PIK3R4: variants seen among roughly 807,000 people sequenced by gnomAD.
The protein encoded by PIK3R4 is phosphoinositide-3-kinase regulatory subunit 4.
Under a neutral mutation model 136.5 loss-of-function variants are expected in PIK3R4, and 46 were observed. The ratio of observed to expected loss-of-function variants is 0.34; its 90% CI spans 0.27 to 0.43. The LOEUF is 0.43. PIK3R4 is among the 20% of genes least tolerant of loss of function. PIK3R4 has a pLI of 1.00. For synonymous variants in PIK3R4, 557 were observed against 566.7 expected (o/e 0.98, Z 0.24); for missense variants, 1,331 against 1,649.5 (o/e 0.81, Z 3.35).
chr3:130,694,380 A>C (rs1450814682), intron 13 of PIK3R4, among the ~76,000 whole-genome samples: 1 of 151,452 alleles, frequency 6.6e-6, no homozygotes, highest in African/African-American at 2.4e-5. Flanking sequence ...CTGCCATCTT[A>C]ATGATATTAA....
intron 6 of PIK3R4, 78 bp downstream of exon 6, chr3:130,728,385 A>G: frequency 1.2e-6 from 1 of 820,744 alleles, no homozygotes; most frequent in Non-Finnish European, 1.9e-6. Context: ...TGGTAGTATC[A>G]TCTATCCTTC....
chr3:130,686,556 G>A (rs996584021), intron 14 of PIK3R4, 134 bp from the exon 15 acceptor site: 15 of 599,238 alleles, frequency 2.5e-5, no homozygotes, highest in East Asian at 5.7e-5. Flanking sequence ...AACGAAAGCC[G>A]ACACATTAAA....
intron 13 of PIK3R4, among the ~76,000 whole-genome samples, chr3:130,696,825 T>C (rs1038330404): frequency 2.6e-5 from 4 of 152,144 alleles, no homozygotes; most frequent in Non-Finnish European, 4.4e-5. Flanking sequence ...AGTTGTTCTA[T>C]CCATCTTGAA....
rs2066438200 is a variant in PIK3R4, at chr3:130,679,212, T to C, written c.*103A>G. 1.5e-6 allele frequency: 1 copy of C among 671,428 alleles called. No individual in the cohort carries two copies. The highest frequency in any genetic ancestry group is 3.1e-5 in the East Asian group (1 of 32,218). 41.6% of individuals were successfully genotyped at this position (671,428 alleles called of 1,614,324 possible). A position where few individuals can be genotyped will look rare whatever the true frequency, so the allele number is the denominator to read the frequency against. ...GTCATGAAACAGTAATATGGAGACA[T>C]AATTTTGAAAATTAAGCAAATGAAT... On this transcript the variant is annotated 3_prime_UTR_variant, in exon 20 of 20. Coordinates refer to ENST00000356763, the MANE Select transcript of PIK3R4 (RefSeq NM_014602.3).
intron 9 of PIK3R4, among the ~76,000 whole-genome samples, chr3:130,716,058 T>C (rs1311460651): frequency 6.6e-6 from 1 of 152,260 alleles, no homozygotes; most frequent in East Asian, 1.9e-4. Context: ...CTAAATTTCA[T>C]TACATTTTTG....
chr3:130,702,047 G>A (rs1192045557), intron 13 of PIK3R4, among the ~76,000 whole-genome samples: 2 of 151,924 alleles, frequency 1.3e-5, no homozygotes, highest in Non-Finnish European at 2.9e-5. Context: ...AGGCTGAGGC[G>A]GGAGGATTGC....
At chr3:130,722,340 T>C (rs968965488) in intron 7 of PIK3R4, among the ~76,000 whole-genome samples, 3 of 152,140 alleles carry the variant, frequency 2.0e-5, no homozygotes, top group Non-Finnish European at 4.4e-5. Flanking sequence ...ATTTTGACAC[T>C]AAAGATATAT....
At chr3:130,744,262 G>A (rs2066840916) in intron 2 of PIK3R4, among the ~76,000 whole-genome samples, 1 of 152,190 alleles carries the variant, frequency 6.6e-6, no homozygotes, top group Non-Finnish European at 1.5e-5. Context: ...ATAAAAGTAG[G>A]CAAGCAAATA....
intron 2 of PIK3R4, among the ~76,000 whole-genome samples, chr3:130,737,616 G>A (rs570048956): frequency 5.9e-5 from 9 of 151,996 alleles, no homozygotes; most frequent in Admixed American, 4.6e-4. Flanking sequence ...GCAGAGATCG[G>A]GCCACTACAC....
Position 130,723,528 on chromosome 3 carries a change from C to G in PIK3R4, c.1867G>C (p.Gly623Arg), listed in dbSNP as rs941696499. 6.2e-7 allele frequency: 1 copy of G among 1,614,056 alleles called. No individual in the cohort carries two copies. Among genetic ancestry groups the G allele is most frequent in the African/African-American group, 1.3e-5 (1 of 75,038 alleles). The change falls in exon 7 of 20, where the codon GGT becomes CGT. Residue 623 changes from glycine (G) to arginine (R), a missense_variant. Physicochemically the swap from Gly to Arg is moderately radical, Grantham distance 125. Around this residue, in one of 2 missense-constraint regions of PIK3R4, gnomAD observed 1,180 missense variants for 1,407.0 expected, o/e 0.84. Coordinates refer to ENST00000356763, the MANE Select transcript of PIK3R4 (RefSeq NM_014602.3). ...ACAAATTCCTCAGCATCACTAAGAC[C>G]TTGTTGCAGCAGAGGCTTGAGAATT... The part of the protein sequence containing the change: ...SSILKPLLQQ[G>R]LSDAEEFVIV...
At chr3:130,743,985 A>G (rs531126293) in intron 2 of PIK3R4, among the ~76,000 whole-genome samples, 2 of 152,240 alleles carry the variant, frequency 1.3e-5, no homozygotes, top group East Asian at 3.9e-4. Context: ...TTAACTCCCA[A>G]TCAACTTTCA....
Position 130,681,534 on chromosome 3 carries a change from A to C in PIK3R4, c.3665T>G (p.Phe1222Cys). ...MWDMETGDRR[F>C]TLWASSAPPL... ...TGGTGCACTGCTGGCCCAGAGAGTAAATCTTCTGTCACCAGTCTCCATGTC... is the reference window on the plus strand; with the variant it reads ...TGGTGCACTGCTGGCCCAGAGAGTACATCTTCTGTCACCAGTCTCCATGTC... The change falls in exon 17 of 20, where the codon TTT (phenylalanine) becomes TGT (cysteine). Residue 1222 changes from phenylalanine to cysteine, a missense_variant. Around this residue, in one of 2 missense-constraint regions of PIK3R4, gnomAD observed 1,180 missense variants for 1,407.0 expected, o/e 0.84. Coordinates refer to ENST00000356763, the MANE Select transcript of PIK3R4 (RefSeq NM_014602.3). 6.2e-7 allele frequency: 1 copy of C among 1,613,202 alleles called. No homozygotes were observed. Among genetic ancestry groups the C allele is most frequent in the Non-Finnish European group, 8.5e-7 (1 of 1,179,234 alleles).
intron 13 of PIK3R4, among the ~76,000 whole-genome samples, chr3:130,697,489 G>GT (rs1446971878): frequency 1.3e-5 from 2 of 152,116 alleles, no homozygotes; most frequent in African/African-American, 4.8e-5. Flanking sequence ...GTTGGATCAT[G>GT]TTTTTTCACC....
rs1244135179 is a variant in PIK3R4, at chr3:130,739,194, AGC to A, written c.734-3194_734-3193del. Among the ~76,000 whole-genome samples, 282 of 152,268 alleles carry A rather than the reference AGC, an allele frequency of 1.9e-3. 2 individuals are homozygous for A. Among genetic ancestry groups the A allele is most frequent in the African/African-American group, 6.6e-3 (273 of 41,554 alleles). ...CTGGTTCACGCCATTCTCCTGCCTCAGCCTCCCGAGTAGCTGGGACTACAGGC... is the reference window on the plus strand; with the variant it reads ...CTGGTTCACGCCATTCTCCTGCCTCACTCCCGAGTAGCTGGGACTACAGGC... On this transcript the variant is annotated intron_variant, in intron 2 of 19. Transcript: ENST00000356763.
chr3:130,687,350 A>T (rs765004520), intron 14 of PIK3R4, among the ~76,000 whole-genome samples: 4 of 152,156 alleles, frequency 2.6e-5, no homozygotes, highest in Non-Finnish European at 5.9e-5. Flanking sequence ...GAAATGTTTA[A>T]CCTGAATCAC....
chr3:130,708,092 G>T (rs906471037), intron 10 of PIK3R4, among the ~76,000 whole-genome samples, 199 bp downstream of exon 10: 1 of 152,094 alleles, frequency 6.6e-6, no homozygotes, highest in Non-Finnish European at 1.5e-5. Context: ...TGTGATTCTG[G>T]CAAGTTACTT....
intron 9 of PIK3R4, among the ~76,000 whole-genome samples, chr3:130,710,665 G>C (rs2066628362): frequency 6.6e-6 from 1 of 152,076 alleles, no homozygotes; most frequent in Non-Finnish European, 1.5e-5. Context: ...GAATGTACAA[G>C]TTCAAAAGAA....
chr3:130,731,618 A>C (rs2066760741), intron 4 of PIK3R4, among the ~76,000 whole-genome samples: 1 of 152,184 alleles, frequency 6.6e-6, no homozygotes, highest in Admixed American at 6.5e-5. Flanking sequence ...TTTCCTGGGC[A>C]CCTCTAAAGT....
rs115870438 is a variant in PIK3R4 at position 130,734,564 on chromosome 3, T to C, written c.868-434A>G. On this transcript the variant is annotated intron_variant, in intron 3 of 19. Coordinates refer to ENST00000356763, the MANE Select transcript of PIK3R4 (RefSeq NM_014602.3). ...CTAAAATCCATTTACATATCCCGGG[T>C]TGAGTTATGGTTCAGAACCTTATTG... Among the ~76,000 whole-genome samples the C allele has an allele frequency of 5.7e-3, 870 of 152,128 alleles. 5 individuals are homozygous for C. The highest frequency in any genetic ancestry group is 9.6e-3 in the Non-Finnish European group (650 of 67,964).
Sources: allele counts gnomAD v4.1 joint callset (sites outside exome capture counted in the v4.1 genomes callset), GRCh38; gene constraint gnomAD v4.1.1; regional missense constraint gnomAD v4.1.1; transcripts MANE v1.5; gene names NCBI Gene and HGNC (gene_info 2026-07-23, HGNC 2026-07-21).